TSPAN19: variants seen among roughly 807,000 people sequenced by gnomAD.
TSPAN19 encodes tetraspanin-19.
TSPAN19 carries 44 observed loss-of-function variants against 35.1 expected under a neutral mutation model. The ratio of observed to expected loss-of-function variants is 1.25; its 90% CI spans 0.98 to 1.61. The LOEUF is 1.61. TSPAN19 is among the 40% of genes most tolerant of loss of function. TSPAN19 has a pLI of 0.00. For missense variants in TSPAN19, 290 were observed against 280.0 expected, an observed-to-expected ratio of 1.04 and a Z score of -0.26; for synonymous variants, 79 against 92.0, an observed-to-expected ratio of 0.86 and a Z score of 0.81.
chr12:85,020,887 C>G (rs1185574859), intron 5 of TSPAN19, among the ~76,000 whole-genome samples: 2 of 151,768 alleles, frequency 1.3e-5, no homozygotes, highest in East Asian at 3.9e-4. Context: ...TTATGCTTTT[C>G]ATTTGTTAGT....
chr12:85,028,154 TTCTCTGTCTC>T, intron 3 of TSPAN19, 131 bp from the exon 4 acceptor site: 4 of 666,936 alleles, frequency 6.0e-6, no homozygotes, highest in South Asian at 4.9e-5. Context: ...ACCACTAGGA[TTCTCTGTCTC>T]TCTCTGTCTC....
intron 1 of TSPAN19, among the ~76,000 whole-genome samples, chr12:85,035,442 C>G (rs1943319621): frequency 6.6e-6 from 1 of 152,050 alleles, no homozygotes; most frequent in Non-Finnish European, 1.5e-5. Flanking sequence ...AGGAAACTAA[C>G]ATGTGTGCTT....
chr12:85,022,210 C>G lies in TSPAN19; in HGVS notation c.339+1116G>C, dbSNP rs984043644. On this transcript the variant is annotated intron_variant, in intron 5 of 8. Coordinates refer to ENST00000532498, the MANE Select transcript of TSPAN19 (RefSeq NM_001100917.2). ...AGCTAACATACCTTTAAAACTCACACACACACAAACACACGCACACACACA... is the reference window on the plus strand; with the variant it reads ...AGCTAACATACCTTTAAAACTCACAGACACACAAACACACGCACACACACA... Among the ~76,000 whole-genome samples the G allele has an allele frequency of 2.6e-5, 4 of 151,984 alleles. No individual in the cohort carries two copies. The South Asian group carries it at 8.3e-4, about 31-fold the overall frequency.
At chr12:85,034,215 A>C (rs1412528250) in intron 1 of TSPAN19, among the ~76,000 whole-genome samples, 2 of 152,172 alleles carry the variant, frequency 1.3e-5, no homozygotes, top group African/African-American at 4.8e-5. Context: ...TGCCTCAAGA[A>C]AATGAAACAA....
At chr12:85,029,396 G>T (rs1877576511) in intron 3 of TSPAN19, among the ~76,000 whole-genome samples, 1 of 152,012 alleles carries the variant, frequency 6.6e-6, no homozygotes, top group South Asian at 2.1e-4. Flanking sequence ...AGAGTAATTA[G>T]CATGTCCGGT....
chr12:85,020,947 T>C (rs1383856640), intron 5 of TSPAN19, among the ~76,000 whole-genome samples: 1 of 152,096 alleles, frequency 6.6e-6, no homozygotes, highest in Non-Finnish European at 1.5e-5. Flanking sequence ...ATGAATGAGA[T>C]ATAACTTTTT....
chr12:85,022,891 T>G (rs527561971), intron 5 of TSPAN19, among the ~76,000 whole-genome samples: 2 of 152,240 alleles, frequency 1.3e-5, no homozygotes, highest in African/African-American at 4.8e-5. Flanking sequence ...GTGGAAAATA[T>G]AGGAATTATT....
At chr12:85,017,273 T>C (rs1336548919) in intron 7 of TSPAN19, 183 bp downstream of exon 7, 1 of 577,446 alleles carries the variant, frequency 1.7e-6, no homozygotes, top group East Asian at 3.0e-5. Flanking sequence ...TTACGTATTA[T>C]ACACTGGAAA....
Position 85,023,398 on chromosome 12 carries a change from A to C in TSPAN19, c.267T>G (p.Tyr89Ter). The C allele has an allele frequency of 6.4e-7, 1 of 1,574,370 alleles. No individual in the cohort carries two copies. Among genetic ancestry groups the C allele is most frequent in the African/African-American group, 1.3e-5 (1 of 74,302 alleles). The change falls in exon 5 of 9, where the codon TAT becomes TAG. Residue 89 changes from tyrosine (Y) to a stop codon, truncating the protein, a stop_gained and splice_region_variant. Coordinates refer to ENST00000532498, the MANE Select transcript of TSPAN19 (RefSeq NM_001100917.2). LOFTEE classifies it high-confidence loss of function. Reference protein sequence around the residue: ...HNEIRWLLIVYAVLITWTFAV... With the variant: ...HNEIRWLLIV ...CAAAGGTCCATGTTATCAATACTGC[A>C]TACTAAAACAAAAGAAAAATAGAGA...
At chr12:85,019,932 A>C (rs886283717) in intron 5 of TSPAN19, among the ~76,000 whole-genome samples, 196 bp from the exon 6 acceptor site, 3 of 151,990 alleles carry the variant, frequency 2.0e-5, no homozygotes, top group African/African-American at 7.2e-5. Flanking sequence ...TTCAATTCAT[A>C]ATCTATAGGA....
intron 3 of TSPAN19, 117 bp from the exon 4 acceptor site, chr12:85,028,140 C>A: frequency 1.3e-6 from 1 of 774,782 alleles, no homozygotes; most frequent in Non-Finnish European, 1.9e-6. Context: ...GCAGCTGTTG[C>A]CAAACCACTA....
intron 6 of TSPAN19, among the ~76,000 whole-genome samples, 188 bp downstream of exon 6, chr12:85,019,438 T>C (rs891093387): frequency 3.3e-5 from 5 of 152,042 alleles, no homozygotes; most frequent in African/African-American, 4.8e-5. Flanking sequence ...GAAAAGAAGA[T>C]AGGAGTTACA....
intron 3 of TSPAN19, among the ~76,000 whole-genome samples, chr12:85,028,720 T>G (rs904314821): frequency 6.6e-6 from 1 of 152,182 alleles, no homozygotes; most frequent in Non-Finnish European, 1.5e-5. Flanking sequence ...TCAGGAAATC[T>G]GCAAACCAAC....
At chr12:85,023,608 G>A (rs1284140258) in intron 4 of TSPAN19, among the ~76,000 whole-genome samples, 2 of 152,162 alleles carry the variant, frequency 1.3e-5, no homozygotes, top group Non-Finnish European at 2.9e-5. Context: ...ATAAGAGCAA[G>A]AGAGAAAGAA....
chr12:85,029,991 A>T lies in TSPAN19; in HGVS notation c.-27-18T>A. 7.3e-7 allele frequency: 1 copy of T among 1,372,526 alleles called. No homozygotes were observed. The highest frequency in any genetic ancestry group is 9.8e-7 in the Non-Finnish European group (1 of 1,022,972). 85.0% of individuals were successfully genotyped at this position (1,372,526 alleles called of 1,614,324 possible). A position where few individuals can be genotyped will look rare whatever the true frequency, so the allele number is the denominator to read the frequency against. On this transcript the variant is annotated intron_variant, in intron 1 of 8. Transcript: ENST00000532498. ...TGATGATTCTGAAAAGACAACCATA[A>T]CTTTTTAAACATTCTACACAACAAC... is the stretch of plus-strand genomic sequence containing the variant.
At chr12:85,020,768 G>A (rs1262079144) in intron 5 of TSPAN19, among the ~76,000 whole-genome samples, 2 of 151,978 alleles carry the variant, frequency 1.3e-5, no homozygotes, top group Non-Finnish European at 2.9e-5. Flanking sequence ...ATATGCTTTT[G>A]TCCTCCAATC....
At chr12:85,016,137 G>T (rs1876782118) in intron 7 of TSPAN19, 166 bp from the exon 8 acceptor site, 1 of 485,238 alleles carries the variant, frequency 2.1e-6, no homozygotes, top group Non-Finnish European at 3.6e-6. Flanking sequence ...AGCTTTCTAC[G>T]GCAGCAGGAC....
intron 3 of TSPAN19, 97 bp from the exon 4 acceptor site, chr12:85,028,120 G>C: frequency 9.5e-7 from 1 of 1,052,976 alleles, no homozygotes; most frequent in Non-Finnish European, 1.3e-6. Context: ...GCAATCAAAA[G>C]TTTTTCTGAG....
intron 5 of TSPAN19, among the ~76,000 whole-genome samples, chr12:85,022,447 T>A (rs1418687688): frequency 6.6e-6 from 1 of 152,030 alleles, no homozygotes; most frequent in Non-Finnish European, 1.5e-5. Context: ...AATCAGGAGA[T>A]CCTTCAAGAT....
Sources: allele counts gnomAD v4.1 joint callset (sites outside exome capture counted in the v4.1 genomes callset), GRCh38; gene constraint gnomAD v4.1.1; transcripts MANE v1.5; gene names NCBI Gene and HGNC (gene_info 2026-07-23, HGNC 2026-07-21).